The following UBE2G2 variants were observed in gnomAD, a reference collection of about 807,000 sequenced individuals.
UBE2G2 encodes the protein ubiquitin-conjugating enzyme E2 G2.
UBE2G2 carries 10 observed loss-of-function variants against 23.0 expected under a neutral mutation model. That is an observed-to-expected ratio of 0.43 (90% CI 0.27 to 0.74). The LOEUF is 0.74. UBE2G2 is among the 30% of genes least tolerant of loss of function. The probability of loss-of-function intolerance (pLI) is 0.19; values close to 1 mark genes in which losing one functional copy is unlikely to be tolerated. For missense variants in UBE2G2, 150 were observed against 218.3 expected (o/e 0.69, Z 1.97); for synonymous variants, 86 against 81.3 (o/e 1.06, Z -0.31).
intron 1 of UBE2G2, among the ~76,000 whole-genome samples, chr21:44,797,147 A>G (rs2083097073): frequency 6.6e-6 from 1 of 152,252 alleles, no homozygotes; most frequent in South Asian, 2.1e-4. Flanking sequence ...CCTTCTACAC[A>G]TAGTCCAAAA....
In UBE2G2 at chr21:44,769,407, G is replaced by A. The variant is rs2082854303; in HGVS notation, c.*1970C>T. On this transcript the variant is annotated 3_prime_UTR_variant, in exon 6 of 6. Transcript: ENST00000345496. ...TTTTTTTTTTTTTTTTTGAGACAGA[G>A]TCTCACTCTGTTGCCCAGGCTGGAG... The A allele has an allele frequency of 7.2e-6, 1 of 138,682 alleles. No individual in the cohort carries two copies. The highest frequency in any genetic ancestry group is 2.2e-4 in the South Asian group (1 of 4,458). The allele number at this position is 138,682 out of a possible 1,614,324, so 8.6% of individuals were successfully genotyped here.
intron 3 of UBE2G2, among the ~76,000 whole-genome samples, chr21:44,778,116 A>C (rs1209214200): frequency 6.6e-6 from 1 of 152,258 alleles, no homozygotes; most frequent in Non-Finnish European, 1.5e-5. Flanking sequence ...TAAGGGTATG[A>C]ATTACGGCAC....
At position 44,771,744 on chromosome 21, in the gene UBE2G2, T is replaced by C. The variant is rs1555959974; in HGVS notation, c.386-255A>G. ...GGACAAGTTGTCATCTGTCTTGCTG[T>C]GGAACATGCGACAACCACCTAAGCA... is the stretch of plus-strand genomic sequence containing the variant. On this transcript the variant is annotated intron_variant, in intron 5 of 5. Coordinates refer to ENST00000345496, the MANE Select transcript of UBE2G2 (RefSeq NM_003343.6). This position sits in a 1 kb window ranked among gnomAD's most constrained non-coding sequence, Gnocchi z 4.6. Among the ~76,000 whole-genome samples the C allele has an allele frequency of 6.6e-6, 1 of 152,184 alleles. No individual in the cohort carries two copies. Among genetic ancestry groups the C allele is most frequent in the African/African-American group, 2.4e-5 (1 of 41,448 alleles).
chr21:44,775,658 T>C (rs1339315420), intron 4 of UBE2G2, among the ~76,000 whole-genome samples: 1 of 152,234 alleles, frequency 6.6e-6, no homozygotes, highest in African/African-American at 2.4e-5. Flanking sequence ...TTGGTCATAT[T>C]TGTCACTAAT....
intron 1 of UBE2G2, among the ~76,000 whole-genome samples, chr21:44,792,116 T>C (rs1000405270): frequency 6.6e-6 from 1 of 152,250 alleles, no homozygotes; most frequent in Admixed American, 6.5e-5. Context: ...ATCTTGAAAG[T>C]AACTAACTTG....
At chr21:44,788,349 G>C (rs1187049332) in intron 1 of UBE2G2, among the ~76,000 whole-genome samples, 3 of 149,102 alleles carry the variant, frequency 2.0e-5, no homozygotes, top group Non-Finnish European at 3.0e-5. Flanking sequence ...AAGTGCAGTG[G>C]TGTGATCTCA....
At chr21:44,790,236 T>C (rs1555962765) in intron 1 of UBE2G2, among the ~76,000 whole-genome samples, 1 of 152,226 alleles carries the variant, frequency 6.6e-6, no homozygotes, top group African/African-American at 2.4e-5. Flanking sequence ...AGATCTCTCA[T>C]GCACCACTGA....
At chr21:44,776,266 A>G (rs1319845416) in intron 4 of UBE2G2, among the ~76,000 whole-genome samples, 7 of 152,132 alleles carry the variant, frequency 4.6e-5, no homozygotes, top group Middle Eastern at 3.2e-3. Flanking sequence ...ATTCACTTAA[A>G]TGACCTTATT....
intron 1 of UBE2G2, 44 bp from the exon 2 acceptor site, chr21:44,788,139 T>C (rs1555962374): frequency 2.0e-6 from 3 of 1,534,242 alleles, no homozygotes; most frequent in Admixed American, 4.2e-5. Context: ...AGAATAAATG[T>C]TACATTGTCA....
Position 44,772,475 on chromosome 21 carries a change from C to T in UBE2G2, c.386-986G>A, listed in dbSNP as rs1021745074. The stretch of plus-strand genomic sequence containing the variant: ...GTCTGCTCTTTCCTTTCGGACTTGC[C>T]GCCTTCCTTTCCCACACCCTTCCTC... On this transcript the variant is annotated intron_variant, in intron 5 of 5. Transcript: ENST00000345496. This position sits in a 1 kb window ranked among gnomAD's most constrained non-coding sequence, Gnocchi z 5.4. Among the ~76,000 whole-genome samples, 4 of 149,494 alleles carry T rather than the reference C, an allele frequency of 2.7e-5. No homozygotes were observed. Among genetic ancestry groups the T allele is most frequent in the Non-Finnish European group, 4.5e-5 (3 of 67,026 alleles).
At chr21:44,801,187 G>T in intron 1 of UBE2G2, 1 of 315,290 alleles carries the variant, frequency 3.2e-6, no homozygotes, top group Non-Finnish European at 4.6e-6. Context: ...GGGTAGGAAA[G>T]CACTCAAGAG....
chr21:44,794,650 T>C (rs1262772899), intron 1 of UBE2G2, among the ~76,000 whole-genome samples: 1 of 151,266 alleles, frequency 6.6e-6, no homozygotes, highest in Non-Finnish European at 1.5e-5. Flanking sequence ...TTCTCCTGCC[T>C]CAGCCTCCTG....
chr21:44,796,849 G>A (rs1555963898), intron 1 of UBE2G2, among the ~76,000 whole-genome samples: 2 of 152,170 alleles, frequency 1.3e-5, no homozygotes, highest in African/African-American at 2.4e-5. Flanking sequence ...GAGGCTGCCC[G>A]CCTTCCTTAG....
chr21:44,791,049 C>T (rs576480187), intron 1 of UBE2G2, among the ~76,000 whole-genome samples: 1 of 152,184 alleles, frequency 6.6e-6, no homozygotes, highest in Admixed American at 6.5e-5. Context: ...AATGGTCACC[C>T]TTGCTATGTT....
chr21:44,790,966 T>TA (rs1376826179), intron 1 of UBE2G2, among the ~76,000 whole-genome samples: 1 of 152,162 alleles, frequency 6.6e-6, no homozygotes, highest in Non-Finnish European at 1.5e-5. Context: ...AAAATGCTGA[T>TA]AGTGACATGG....
chr21:44,801,232 G>A, intron 1 of UBE2G2: 2 of 777,514 alleles, frequency 2.6e-6, no homozygotes, highest in Non-Finnish European at 3.1e-6. Context: ...AGTGACAGGT[G>A]GCACTGTTCA....
Position 44,768,849 on chromosome 21 carries a change from T to G in UBE2G2, c.*2528A>C, listed in dbSNP as rs1555959393. On this transcript the variant is annotated 3_prime_UTR_variant, in exon 6 of 6. Transcript: ENST00000345496. Reference sequence around the variant, plus strand: ...ACACATCCGTCTCACAGACCCCAACTAACCTGAGAATTCCAGAGGAAGACC... The same window carrying G: ...ACACATCCGTCTCACAGACCCCAACGAACCTGAGAATTCCAGAGGAAGACC... 6.6e-6 allele frequency: 1 copy of G among 152,092 alleles called. No homozygotes were observed. Among genetic ancestry groups the G allele is most frequent in the Non-Finnish European group, 1.5e-5 (1 of 67,982 alleles). The allele number at this position is 152,092 out of a possible 1,614,324, so 9.4% of individuals were successfully genotyped here. A position where few individuals can be genotyped will look rare whatever the true frequency, so the allele number is the denominator to read the frequency against.
chr21:44,780,624 G>A (rs2082948741), intron 3 of UBE2G2, among the ~76,000 whole-genome samples: 1 of 152,108 alleles, frequency 6.6e-6, no homozygotes, highest in Admixed American at 6.5e-5. Flanking sequence ...GCTTGCAACA[G>A]CTCAGACTGT....
chr21:44,779,927 T>C lies in UBE2G2; in HGVS notation c.126-2510A>G, dbSNP rs538691206. ...GATACTATCTTTAAAAGTAACACTG[T>C]TCATATGTCAGGAATGCTTGCCAGC... is the stretch of plus-strand genomic sequence containing the variant. On this transcript the variant is annotated intron_variant, in intron 3 of 5. Coordinates refer to ENST00000345496, the MANE Select transcript of UBE2G2 (RefSeq NM_003343.6). Among the ~76,000 whole-genome samples, 5 of 152,316 alleles carry C rather than the reference T, an allele frequency of 3.3e-5. No individual in the cohort carries two copies. In the East Asian group the frequency reaches 9.6e-4, roughly 29 times the overall value.
Sources: gnomAD v4.1 joint callset for allele counts (sites outside exome capture counted in the v4.1 genomes callset) on GRCh38, gnomAD v4.1.1 for gene constraint, Gnocchi (gnomAD v3.1) non-coding constraint, MANE v1.5 for transcripts, NCBI Gene and HGNC (gene_info 2026-07-23, HGNC 2026-07-21) for gene names.